The following MIPOL1 variants were observed in gnomAD, a reference collection of about 807,000 sequenced individuals.
The protein encoded by MIPOL1 is mirror-image polydactyly gene 1 protein.
A neutral mutation model predicts 60.9 loss-of-function variants in MIPOL1; 57 were observed. That is an observed-to-expected ratio of 0.94 (90% confidence interval 0.76 to 1.17). The LOEUF (loss-of-function observed/expected upper bound fraction) is 1.17. MIPOL1 is among the 50% of genes most tolerant of loss of function. The probability of loss-of-function intolerance (pLI) is 0.00; values close to 1 mark genes in which losing one functional copy is unlikely to be tolerated. For synonymous variants in MIPOL1, 179 were observed against 168.8 expected, an observed-to-expected ratio of 1.06 and a Z score of -0.47; for missense variants, 551 against 511.6, an observed-to-expected ratio of 1.08 and a Z score of -0.74.
At chr14:37,258,203 ATGAG>A (rs1320795593) in intron 3 of MIPOL1, among the ~76,000 whole-genome samples, 1 of 152,178 alleles carries the variant, frequency 6.6e-6, no homozygotes, top group African/African-American at 2.4e-5. Context: ...CTTAAACAAA[ATGAG>A]TGGCACATAT....
chr14:37,296,172 G>A (rs564045436), intron 7 of MIPOL1, among the ~76,000 whole-genome samples: 7 of 152,196 alleles, frequency 4.6e-5, no homozygotes, highest in Admixed American at 2.0e-4. Flanking sequence ...GCTCAGCTAC[G>A]TGGAAACTGA....
chr14:37,435,681 T>C (rs541320907), intron 11 of MIPOL1, among the ~76,000 whole-genome samples: 3 of 152,266 alleles, frequency 2.0e-5, no homozygotes, highest in East Asian at 1.9e-4. Flanking sequence ...TGAGACTGAG[T>C]CTAGCAGTCA....
intron 1 of MIPOL1, among the ~76,000 whole-genome samples, chr14:37,204,671 CT>C (rs1268329611): frequency 2.6e-5 from 4 of 152,124 alleles, no homozygotes; most frequent in Non-Finnish European, 2.9e-5. Flanking sequence ...AAACCTCTTT[CT>C]TTTGTAAATT....
rs2095553968 is a variant in MIPOL1 at position 37,548,539 on chromosome 14, A to C, written c.*1568A>C. 6.6e-6 allele frequency: 1 copy of C among 151,984 alleles called. No homozygotes were observed. The highest frequency in any genetic ancestry group is 1.5e-5 in the Non-Finnish European group (1 of 67,862). The allele number at this position is 151,984 out of a possible 1,614,324, so 9.4% of individuals were successfully genotyped here. ...ATGACTCTATAATAGAGAAATATGT[A>C]ATGATTTGGTCATGCATGGAGTCTT... On this transcript the variant is annotated 3_prime_UTR_variant, in exon 13 of 13. Coordinates refer to ENST00000684589, the MANE Select transcript of MIPOL1 (RefSeq NM_001388067.1).
At chr14:37,389,247 C>T (rs1389839149) in intron 10 of MIPOL1, among the ~76,000 whole-genome samples, 2 of 151,714 alleles carry the variant, frequency 1.3e-5, no homozygotes, top group Non-Finnish European at 2.9e-5. Context: ...AAACAAAAAA[C>T]AGATTTTTAC....
At chr14:37,496,192 T>A (rs1173875951) in intron 11 of MIPOL1, among the ~76,000 whole-genome samples, 8 of 143,128 alleles carry the variant, frequency 5.6e-5, no homozygotes, top group African/African-American at 1.3e-4. Flanking sequence ...ACAGCCAATA[T>A]CATACTGAAT....
At chr14:37,371,238 G>T (rs2092629918) in intron 10 of MIPOL1, among the ~76,000 whole-genome samples, 1 of 151,508 alleles carries the variant, frequency 6.6e-6, no homozygotes, top group South Asian at 2.1e-4. Context: ...TCCTGCCTCA[G>T]CCTCCCGGGT....
At chr14:37,551,548 A>G (rs1189045922), downstream of MIPOL1, 1 of 152,064 alleles carries the variant, frequency 6.6e-6, no homozygotes, top group Non-Finnish European at 1.5e-5. Flanking sequence ...ATGGTTAGAA[A>G]GAACATAAGA....
chr14:37,216,078 AAGAAAG>A (rs1229636439), intron 1 of MIPOL1, among the ~76,000 whole-genome samples: 1 of 139,120 alleles, frequency 7.2e-6, no homozygotes, highest in Non-Finnish European at 1.5e-5. Context: ...AAAAAAAAAA[AAGAAAG>A]AAAAGAAAGG....
At chr14:37,279,840 A>G (rs1180129222) in intron 6 of MIPOL1, among the ~76,000 whole-genome samples, 1 of 152,064 alleles carries the variant, frequency 6.6e-6, no homozygotes, top group African/African-American at 2.4e-5. Context: ...AATATACATT[A>G]CTCTTCATTA....
chr14:37,448,839 A>G (rs1404494822), intron 11 of MIPOL1, among the ~76,000 whole-genome samples: 7 of 152,320 alleles, frequency 4.6e-5, no homozygotes, highest in Non-Finnish European at 4.4e-5. Flanking sequence ...GGACTCTTTC[A>G]TATGTATGGA....
chr14:37,469,686 C>G (rs1208005825), intron 11 of MIPOL1, among the ~76,000 whole-genome samples: 1 of 152,150 alleles, frequency 6.6e-6, no homozygotes, highest in Admixed American at 6.5e-5. Context: ...AATAGGTGAT[C>G]CAGCCATGAG....
intron 1 of MIPOL1, among the ~76,000 whole-genome samples, chr14:37,215,723 A>T (rs77622093): frequency 0.016 from 2,472 of 152,272 alleles, 56 homozygotes; most frequent in African/African-American, 0.055. Flanking sequence ...AGACCTGTTA[A>T]TCTGTTGCCT....
chr14:37,285,575 G>T, intron 7 of MIPOL1, 128 bp downstream of exon 7: 3 of 887,336 alleles, frequency 3.4e-6, no homozygotes, highest in South Asian at 2.4e-5. Context: ...CATGTCTCCA[G>T]TCTTTTTCTT....
intron 1 of MIPOL1, among the ~76,000 whole-genome samples, chr14:37,225,391 G>T (rs1051139050): frequency 4.6e-5 from 7 of 152,242 alleles, no homozygotes; most frequent in Middle Eastern, 6.8e-3. Context: ...AGGCATTTCC[G>T]TACATCCTCT....
chr14:37,516,736 T>A (rs561169512), intron 12 of MIPOL1, among the ~76,000 whole-genome samples: 7 of 152,334 alleles, frequency 4.6e-5, no homozygotes, highest in Admixed American at 6.5e-5. Flanking sequence ...TTGTGTTTAA[T>A]CTGTTACTTA....
At chr14:37,353,487 G>A (rs1567603850) in intron 9 of MIPOL1, among the ~76,000 whole-genome samples, 1 of 152,102 alleles carries the variant, frequency 6.6e-6, no homozygotes, top group Non-Finnish European at 1.5e-5. Context: ...AAAGGTACCA[G>A]TTCCTCATTG....
intron 12 of MIPOL1, chr14:37,507,309 T>C (rs1338855150): frequency 2.0e-5 from 3 of 152,170 alleles, no homozygotes; most frequent in Admixed American, 6.5e-5. Flanking sequence ...TGCACACATA[T>C]GCTTATTGCG....
chr14:37,538,545 A>G (rs1161383134), intron 12 of MIPOL1, among the ~76,000 whole-genome samples: 1 of 152,226 alleles, frequency 6.6e-6, no homozygotes, highest in African/African-American at 2.4e-5. Context: ...GAAATCTGAC[A>G]GGGATAAATG....
Sources: gnomAD v4.1 joint callset for allele counts (sites outside exome capture counted in the v4.1 genomes callset) on GRCh38, gnomAD v4.1.1 for gene constraint, MANE v1.5 for transcripts, NCBI Gene and HGNC (gene_info 2026-07-23, HGNC 2026-07-21) for gene names.